The following RSPH14 variants were observed in gnomAD, a reference collection of about 807,000 sequenced individuals.
The protein encoded by RSPH14 is rhabdoid tumor deletion region gene 1.
RSPH14 carries 20 observed loss-of-function variants against 26.7 expected under a neutral mutation model. That is an observed-to-expected ratio of 0.75 (90% CI 0.53 to 1.09). The LOEUF (loss-of-function observed/expected upper bound fraction) is 1.09. RSPH14 is among the 50% of genes least tolerant of loss of function. RSPH14 has a pLI of 0.00. For missense variants in RSPH14, 449 were observed against 457.2 expected (o/e 0.98, Z 0.16); for synonymous variants, 177 against 189.3 (o/e 0.93, Z 0.53).
the RSPH14 span, among the ~76,000 whole-genome samples, chr22:23,157,451 G>T: frequency 6.6e-6 from 1 of 152,032 alleles, no homozygotes. Context: ...AGTAGAGACG[G>T]GGTTTCACTG....
intron 4 of RSPH14, among the ~76,000 whole-genome samples, chr22:23,107,961 C>G (rs969339553): frequency 1.3e-5 from 2 of 152,154 alleles, no homozygotes; most frequent in Non-Finnish European, 2.9e-5. Context: ...AGGCCCAGCC[C>G]GAGTCCCTTC....
chr22:23,091,326 C>T (rs533017949), intron 4 of RSPH14, among the ~76,000 whole-genome samples: 1 of 152,248 alleles, frequency 6.6e-6, no homozygotes, highest in East Asian at 1.9e-4. Flanking sequence ...ACACATACCG[C>T]AATGGACCTG....
At chr22:23,160,841 AAC>A in the RSPH14 span, 3 of 1,598,066 alleles carry the variant, frequency 1.9e-6, no homozygotes, top group Non-Finnish European at 2.6e-6. Context: ...GGCAAGGAGA[AAC>A]ACTGATGAGG....
intron 5 of RSPH14, among the ~76,000 whole-genome samples, chr22:23,062,374 G>A (rs1452229882): frequency 1.3e-5 from 2 of 152,220 alleles, no homozygotes; most frequent in African/African-American, 4.8e-5. Flanking sequence ...TAAGGACTCA[G>A]ACCAGGTAAC....
chr22:23,093,842 G>A (rs1264039811), intron 4 of RSPH14, among the ~76,000 whole-genome samples: 2 of 152,182 alleles, frequency 1.3e-5, no homozygotes, highest in African/African-American at 4.8e-5. Context: ...GGGAGCAGGT[G>A]TGAGAGGCCA....
At chr22:23,169,933 C>T in the RSPH14 span, among the ~76,000 whole-genome samples, 2 of 151,824 alleles carry the variant, frequency 1.3e-5, no homozygotes, top group Admixed American at 6.6e-5. Flanking sequence ...ACTGTCTCTA[C>T]AAAAACTATA....
chr22:23,159,929 A>G, the RSPH14 span, among the ~76,000 whole-genome samples: 1 of 152,174 alleles, frequency 6.6e-6, no homozygotes, highest in African/African-American at 2.4e-5. Flanking sequence ...TTTGTGAAAA[A>G]ACGTTTTAAA....
intron 4 of RSPH14, among the ~76,000 whole-genome samples, chr22:23,104,477 C>T (rs1343559222): frequency 6.6e-6 from 1 of 152,212 alleles, no homozygotes; most frequent in Non-Finnish European, 1.5e-5. Context: ...CAACCTGCAT[C>T]GGCTAGGCTT....
At chr22:23,063,871 T>C (rs753264299) in intron 5 of RSPH14, 31 bp downstream of exon 5, 2 of 1,607,026 alleles carry the variant, frequency 1.2e-6, no homozygotes, top group East Asian at 2.2e-5. Context: ...CTCCCAGCCT[T>C]GGTAGAAACC....
chr22:23,101,640 C>G (rs1204152098), intron 4 of RSPH14, among the ~76,000 whole-genome samples: 2 of 152,246 alleles, frequency 1.3e-5, no homozygotes, highest in African/African-American at 4.8e-5. Flanking sequence ...ACACAGGTCT[C>G]CCAAGCAGTT....
intron 4 of RSPH14, among the ~76,000 whole-genome samples, chr22:23,068,144 G>T (rs1418965075): frequency 6.6e-6 from 1 of 152,236 alleles, no homozygotes; most frequent in African/African-American, 2.4e-5. Flanking sequence ...GTCTTCTCTG[G>T]GTTCTTCCTG....
intron 4 of RSPH14, among the ~76,000 whole-genome samples, chr22:23,119,706 G>T (rs146322767): frequency 6.6e-6 from 1 of 152,204 alleles, no homozygotes; most frequent in Non-Finnish European, 1.5e-5. Flanking sequence ...GGAGTGAGGC[G>T]GCAAGCTCAG....
At chr22:23,089,666 C>T (rs539050025) in intron 4 of RSPH14, among the ~76,000 whole-genome samples, 6 of 152,228 alleles carry the variant, frequency 3.9e-5, no homozygotes, top group African/African-American at 1.2e-4. Flanking sequence ...GAGGGCAGGC[C>T]GGGCCTGCTG....
the RSPH14 span, chr22:23,161,623 A>G: frequency 1.4e-6 from 2 of 1,439,928 alleles, no homozygotes; most frequent in South Asian, 1.2e-5. Context: ...AATTTCCGTG[A>G]CTGTGGTGTG....
At chr22:23,072,283 G>A (rs893884874) in intron 4 of RSPH14, among the ~76,000 whole-genome samples, 2 of 152,148 alleles carry the variant, frequency 1.3e-5, no homozygotes, top group African/African-American at 4.8e-5. Context: ...CAGCCTGGGA[G>A]CATCCATCTA....
chr22:23,180,260 G>A, the RSPH14 span: 1 of 197,540 alleles, frequency 5.1e-6, no homozygotes, highest in African/African-American at 2.3e-5. Context: ...AGGTCTTTAT[G>A]GACCAGGGAG....
At chr22:23,154,942 A>G in the RSPH14 span, among the ~76,000 whole-genome samples, 2 of 152,152 alleles carry the variant, frequency 1.3e-5, no homozygotes, top group Non-Finnish European at 1.5e-5. Context: ...CCTGACCAAC[A>G]TGGAGAAACC....
At chr22:23,099,413 G>A (rs1345412263) in intron 4 of RSPH14, among the ~76,000 whole-genome samples, 1 of 152,258 alleles carries the variant, frequency 6.6e-6, no homozygotes, top group Non-Finnish European at 1.5e-5. Context: ...AGGCACCCCA[G>A]TGCCCCCAAG....
At chr22:23,087,953 A>G (rs2068862624) in intron 4 of RSPH14, among the ~76,000 whole-genome samples, 1 of 152,196 alleles carries the variant, frequency 6.6e-6, no homozygotes. Flanking sequence ...TGTGAGTCCT[A>G]CAAAGGCAGT....
Sources: gnomAD v4.1 joint callset for allele counts (sites outside exome capture counted in the v4.1 genomes callset) on GRCh38, gnomAD v4.1.1 for gene constraint, MANE v1.5 for transcripts, NCBI Gene and HGNC (gene_info 2026-07-23, HGNC 2026-07-21) for gene names.